Variants in NDNF observed in about 807,000 individuals in gnomAD.
NDNF encodes the protein protein NDNF.
A neutral mutation model predicts 42.0 loss-of-function variants in NDNF; 16 were observed. The ratio of observed to expected loss-of-function variants is 0.38; its 90% CI spans 0.26 to 0.58. The LOEUF (loss-of-function observed/expected upper bound fraction) is 0.58, where lower values mean the gene tolerates loss of function less well. Ranked by LOEUF, NDNF falls within the 20% of genes least tolerant of loss-of-function variation. The probability of loss-of-function intolerance (pLI) is 0.67; values close to 1 mark genes in which losing one functional copy is unlikely to be tolerated. For synonymous variants in NDNF, 248 were observed against 251.7 expected (o/e 0.99, Z 0.14); for missense variants, 616 against 666.2 (o/e 0.92, Z 0.83).
intron 2 of NDNF, among the ~76,000 whole-genome samples, chr4:121,041,329 T>C (rs1445440363): frequency 6.6e-6 from 1 of 152,196 alleles, no homozygotes; most frequent in Non-Finnish European, 1.5e-5. Context: ...AAAGCAGGCT[T>C]TGCCTCCTGT....
intron 1 of NDNF, among the ~76,000 whole-genome samples, chr4:121,064,336 T>C (rs945532553): frequency 2.6e-5 from 4 of 152,130 alleles, no homozygotes; most frequent in African/African-American, 7.2e-5. Flanking sequence ...TTATTATTAA[T>C]AAATAGAATC....
rs780039269 is a variant in NDNF, at chr4:121,036,959, C to T, written c.1012G>A (p.Ala338Thr). 5.0e-6 allele frequency: 8 copies of T among 1,613,788 alleles called. No homozygotes were observed. The South Asian group carries it at 6.6e-5, about 13-fold the overall frequency. ...VGTFARTKEE[A>T]KQKTVELKDG... ...TTTAGCTCGACTGTCTTCTGTTTGG[C>T]TTCTTCCTTGGTCCTGGCAAAGGTA... Residue 338 changes from alanine to threonine, a missense_variant, in exon 4 of 4, where the codon GCC becomes ACC. Ala to Thr is a moderately conservative substitution (Grantham distance 58, BLOSUM62 0). Coordinates refer to ENST00000379692, the MANE Select transcript of NDNF (RefSeq NM_024574.4).
intron 1 of NDNF, among the ~76,000 whole-genome samples, chr4:121,063,036 T>C (rs1052157165): frequency 6.6e-6 from 1 of 152,168 alleles, no homozygotes; most frequent in African/African-American, 2.4e-5. Context: ...TATATGTTTA[T>C]AGGCGCTCTT....
chr4:121,044,297 A>G (rs1298344325), intron 2 of NDNF, among the ~76,000 whole-genome samples: 1 of 152,158 alleles, frequency 6.6e-6, no homozygotes, highest in Non-Finnish European at 1.5e-5. Flanking sequence ...GATCTGATAT[A>G]TCTCAATCTC....
chr4:121,059,813 G>C (rs1488119438), intron 1 of NDNF, among the ~76,000 whole-genome samples: 1 of 152,166 alleles, frequency 6.6e-6, no homozygotes, highest in Non-Finnish European at 1.5e-5. Flanking sequence ...GGTAAGTCCT[G>C]AGAATGGTCC....
chr4:121,054,224 T>C lies in NDNF; in HGVS notation c.-1-8386A>G, dbSNP rs1727247640. Among the ~76,000 whole-genome samples, 5 of 152,188 alleles carry C rather than the reference T, an allele frequency of 3.3e-5. No homozygotes were observed. In the South Asian group the frequency reaches 1.0e-3, roughly 31 times the overall value. On this transcript the variant is annotated intron_variant, in intron 1 of 3. Coordinates refer to ENST00000379692, the MANE Select transcript of NDNF (RefSeq NM_024574.4). ...TCATACTCCAAACTCAACTGGGTAA[T>C]GTGAGGTCTGAAAAAATATGTATCT...
intron 1 of NDNF, chr4:121,071,763 C>CAAT (rs1211689210): frequency 1.2e-4 from 7 of 58,312 alleles, no homozygotes; most frequent in African/African-American, 4.0e-4. Context: ...CAAACAACAA[C>CAAT]AACAATAAAA....
In NDNF at chr4:121,036,985, C is replaced by T; in HGVS notation, c.986G>A (p.Gly329Asp). The change falls in exon 4 of 4, where the codon GGT (glycine) becomes GAT (aspartate). Residue 329 changes from glycine to aspartate, a missense_variant. Physicochemically the swap from Gly to Asp is moderately conservative, Grantham distance 94 (BLOSUM62 -1). Coordinates refer to ENST00000379692, the MANE Select transcript of NDNF (RefSeq NM_024574.4). ...TTCTTCCTTGGTCCTGGCAAAGGTA[C>T]CTACATAAGCGGTGCTCATGTTGCT... The part of the protein sequence containing the change: ...INSNMSTAYV[G>D]TFARTKEEAK... 6.2e-7 allele frequency: 1 copy of T among 1,613,970 alleles called. No homozygotes were observed. The highest frequency in any genetic ancestry group is 2.2e-5 in the East Asian group (1 of 44,858).
At chr4:121,063,206 C>A (rs980982945) in intron 1 of NDNF, among the ~76,000 whole-genome samples, 8 of 152,112 alleles carry the variant, frequency 5.3e-5, no homozygotes, top group Admixed American at 5.2e-4. Flanking sequence ...CTAATTGCTA[C>A]TAATTTCACA....
At chr4:121,070,390 C>T (rs1012745967) in intron 1 of NDNF, among the ~76,000 whole-genome samples, 1 of 152,190 alleles carries the variant, frequency 6.6e-6, no homozygotes, top group Non-Finnish European at 1.5e-5. Flanking sequence ...CTTCTCCGAA[C>T]CCAGGGAGGA....
Position 121,036,794 on chromosome 4 carries a change from C to A in NDNF, c.1177G>T (p.Gly393Trp), listed in dbSNP as rs1726878396. 6.2e-7 allele frequency: 1 copy of A among 1,614,018 alleles called. No individual in the cohort carries two copies. Among genetic ancestry groups the A allele is most frequent in the Admixed American group, 1.7e-5 (1 of 59,978 alleles). The change falls in exon 4 of 4, where the codon GGG becomes TGG. Residue 393 changes from glycine to tryptophan, a missense_variant. By Grantham distance (184) the Gly-to-Trp change is radical. Coordinates refer to ENST00000379692, the MANE Select transcript of NDNF (RefSeq NM_024574.4). ...ACATTCTGAGACAGAAGAAGTTTCCCATCTCTTCTCACTTGGATTTGGACA... is the reference window on the plus strand; with the variant it reads ...ACATTCTGAGACAGAAGAAGTTTCCAATCTCTTCTCACTTGGATTTGGACA... ...DAVQIQVRRD[G>W]KLLLSQNVEG... is the part of the protein sequence containing the mutation.
intron 1 of NDNF, among the ~76,000 whole-genome samples, chr4:121,064,816 A>C (rs1175392822): frequency 1.3e-5 from 2 of 152,162 alleles, no homozygotes; most frequent in African/African-American, 4.8e-5. Flanking sequence ...AGCTCTCTAC[A>C]CTGGGATGAG....
chr4:121,052,102 C>T (rs1727207765), intron 1 of NDNF, among the ~76,000 whole-genome samples: 1 of 152,308 alleles, frequency 6.6e-6, no homozygotes, highest in East Asian at 1.9e-4. Flanking sequence ...TCCTCCATCC[C>T]TCTATCACCA....
chr4:121,051,764 C>A (rs917033650), intron 1 of NDNF, among the ~76,000 whole-genome samples: 1 of 152,116 alleles, frequency 6.6e-6, no homozygotes, highest in East Asian at 1.9e-4. Flanking sequence ...AGAAATAAAT[C>A]TGGCTAATTT....
chr4:121,036,438 T>G lies in NDNF; in HGVS notation c.1533A>C (p.Glu511Asp). Residue 511 changes from glutamate (E) to aspartate (D), a missense_variant, in exon 4 of 4, where the codon GAA (glutamate) becomes GAC (aspartate). Coordinates refer to ENST00000379692, the MANE Select transcript of NDNF (RefSeq NM_024574.4). ...CLGPDIRKKS[E>D]KVLCKYFHSQ... is the part of the protein sequence containing the mutation. Reference sequence around the variant, plus strand: ...TGTGGAAATATTTACAGAGGACCTTTTCTGACTTCTTCCTTATATCTGGTC... The same window carrying G: ...TGTGGAAATATTTACAGAGGACCTTGTCTGACTTCTTCCTTATATCTGGTC... 6.2e-7 allele frequency: 1 copy of G among 1,614,208 alleles called. No individual in the cohort carries two copies.
chr4:121,054,225 G>A (rs1405600098), intron 1 of NDNF, among the ~76,000 whole-genome samples: 1 of 152,200 alleles, frequency 6.6e-6, no homozygotes, highest in Non-Finnish European at 1.5e-5. Flanking sequence ...ACTGGGTAAT[G>A]TGAGGTCTGA....
chr4:121,039,157 G>A lies in NDNF; in HGVS notation c.313+773C>T, dbSNP rs11728987. On this transcript the variant is annotated intron_variant, in intron 3 of 3. Transcript: ENST00000379692. ...TATATATATATGTGTATATATATAT[G>A]TATATATATATATAAAGACTATGTG... is the stretch of plus-strand genomic sequence containing the variant. Among the ~76,000 whole-genome samples, 31 of 6,404 alleles carry A rather than the reference G, an allele frequency of 4.8e-3. 1 individual carries two copies. The highest frequency in any genetic ancestry group is 7.1e-3 in the Admixed American group (2 of 280). 4.2% of individuals were successfully genotyped at this position (6,404 alleles called of 152,430 possible).
At chr4:121,069,611 G>C (rs558166048) in intron 1 of NDNF, among the ~76,000 whole-genome samples, 164 of 152,248 alleles carry the variant, frequency 1.1e-3, no homozygotes, top group African/African-American at 3.9e-3. Context: ...AAAATGTCCT[G>C]ACACAAAAAT....
rs766165795 is a variant in NDNF, at chr4:121,059,417, CT to C, written c.-2+12575del. On this transcript the variant is annotated intron_variant, in intron 1 of 3. Transcript: ENST00000379692. ...CTTAATAGCAAATAAAATATGAATGCTTTTGACAATTTTATGGGTGCTAAAC... is the reference window on the plus strand; with the variant it reads ...CTTAATAGCAAATAAAATATGAATGCTTTGACAATTTTATGGGTGCTAAAC... Among the ~76,000 whole-genome samples the C allele has an allele frequency of 5.3e-5, 8 of 152,238 alleles. No individual in the cohort carries two copies. The South Asian group carries it at 8.3e-4, about 16-fold the overall frequency.
Sources: allele counts gnomAD v4.1 joint callset (sites outside exome capture counted in the v4.1 genomes callset), GRCh38; gene constraint gnomAD v4.1.1; transcripts MANE v1.5; gene names NCBI Gene and HGNC (gene_info 2026-07-23, HGNC 2026-07-21).